The following PRSS12 variants were observed in gnomAD, a reference collection of about 807,000 sequenced individuals.
The protein encoded by PRSS12 is serine protease 12.
PRSS12 carries 85 observed loss-of-function variants against 104.4 expected under a neutral mutation model. The ratio of observed to expected loss-of-function variants is 0.81; its 90% CI spans 0.68 to 0.98. The LOEUF (loss-of-function observed/expected upper bound fraction) is 0.98, where lower values mean the gene tolerates loss of function less well. PRSS12 is among the 50% of genes least tolerant of loss of function. PRSS12 has a pLI of 0.00. For synonymous variants in PRSS12, 454 were observed against 425.2 expected, an observed-to-expected ratio of 1.07 and a Z score of -0.83; for missense variants, 1,141 against 1,139.2, an observed-to-expected ratio of 1.00 and a Z score of -0.02.
intron 8 of PRSS12, among the ~76,000 whole-genome samples, chr4:118,305,527 A>G (rs566193072): frequency 6.6e-6 from 1 of 152,216 alleles, no homozygotes; most frequent in African/African-American, 2.4e-5. Flanking sequence ...ATATGCATGT[A>G]TCTGTGATAC....
In PRSS12 at chr4:118,291,756, G is replaced by A. The variant is rs75714317; in HGVS notation, c.2039+3183C>T. Among the ~76,000 whole-genome samples, 20 of 152,186 alleles carry A rather than the reference G, an allele frequency of 1.3e-4. 1 individual carries two copies. The East Asian group carries it at 2.7e-3, about 21-fold the overall frequency. Reference sequence around the variant, plus strand: ...TCACTGCTTTGTCTGGACACCATTCGTCAGTGCTACCCAAGACTGAATTAA... The same window carrying A: ...TCACTGCTTTGTCTGGACACCATTCATCAGTGCTACCCAAGACTGAATTAA... On this transcript the variant is annotated intron_variant, in intron 11 of 12. Transcript: ENST00000296498.
At chr4:118,334,511 A>C (rs1029515346) in intron 3 of PRSS12, among the ~76,000 whole-genome samples, 2 of 152,128 alleles carry the variant, frequency 1.3e-5, no homozygotes, top group African/African-American at 4.8e-5. Flanking sequence ...AAAAGAAGAA[A>C]AGGGAAAACT....
chr4:118,292,302 C>T (rs1477417128), intron 11 of PRSS12, among the ~76,000 whole-genome samples: 4 of 152,188 alleles, frequency 2.6e-5, no homozygotes, highest in Non-Finnish European at 4.4e-5. Context: ...TCTTCAACTA[C>T]GTCTCCTCTA....
At chr4:118,305,462 CT>C (rs1434213069) in intron 8 of PRSS12, among the ~76,000 whole-genome samples, 8 of 151,994 alleles carry the variant, frequency 5.3e-5, no homozygotes, top group African/African-American at 1.9e-4. Flanking sequence ...AAAATCACTT[CT>C]TTTTTAGCTT....
At chr4:118,308,413 C>A (rs751668501) in intron 8 of PRSS12, 23 bp downstream of exon 8, 6 of 1,613,638 alleles carry the variant, frequency 3.7e-6, no homozygotes, top group Non-Finnish European at 5.1e-6. Flanking sequence ...AGTAACCATC[C>A]CAAATAATTA....
intron 7 of PRSS12, chr4:118,312,899 G>C (rs1031966309): frequency 2.6e-6 from 1 of 385,258 alleles, no homozygotes; most frequent in Non-Finnish European, 4.8e-6. Flanking sequence ...GAGGAGTAAG[G>C]GGAATAGATA....
chr4:118,330,362 A>G (rs1393833705), intron 4 of PRSS12, among the ~76,000 whole-genome samples: 1 of 152,174 alleles, frequency 6.6e-6, no homozygotes, highest in Admixed American at 6.5e-5. Flanking sequence ...CTAAACTCTA[A>G]TTTTATGAAT....
At chr4:118,289,681 T>G (rs1434789059) in intron 11 of PRSS12, among the ~76,000 whole-genome samples, 2 of 152,220 alleles carry the variant, frequency 1.3e-5, no homozygotes, top group Admixed American at 1.3e-4. Flanking sequence ...ACTAGCTGTA[T>G]GCCTTTTAAT....
rs1301570451 is a variant in PRSS12 at position 118,326,470 on chromosome 4, A to G, written c.971+5246T>C. ...ATAACTTGTCCAACATTACACTACTACTAAATGGTAAAGTTTGTCTGACTA... is the reference window on the plus strand; with the variant it reads ...ATAACTTGTCCAACATTACACTACTGCTAAATGGTAAAGTTTGTCTGACTA... On this transcript the variant is annotated intron_variant, in intron 4 of 12. Coordinates refer to ENST00000296498, the MANE Select transcript of PRSS12 (RefSeq NM_003619.4). 2.0e-5 allele frequency among the ~76,000 whole-genome samples: 3 copies of G among 152,190 alleles called. No homozygotes were observed. The East Asian group carries it at 5.8e-4, about 29-fold the overall frequency.
Position 118,308,448 on chromosome 4 carries a change from T to C in PRSS12, c.1619A>G (p.Gln540Arg). The C allele has an allele frequency of 1.2e-6, 2 of 1,614,092 alleles. No homozygotes were observed. The highest frequency in any genetic ancestry group is 1.7e-6 in the Non-Finnish European group (2 of 1,179,960). ...AGGTTTTCCTTACTTGTAGCCAAGC[T>C]GACGACAGATCACAGCTGCATCCTT... ...TDKDAAVICR[Q>R]LGYKGPARAR... Residue 540 changes from glutamine (Q) to arginine (R), a missense_variant, in exon 8 of 13, where the codon CAG becomes CGG. Coordinates refer to ENST00000296498, the MANE Select transcript of PRSS12 (RefSeq NM_003619.4).
At chr4:118,338,060 G>A (rs942071221) in intron 2 of PRSS12, 116 bp downstream of exon 2, 54 of 1,349,596 alleles carry the variant, frequency 4.0e-5, no homozygotes, top group Non-Finnish European at 5.5e-5. Context: ...TGAAAAGTGA[G>A]AATGAGGAAA....
chr4:118,280,897 A>G lies in PRSS12; in HGVS notation c.*1039T>C, dbSNP rs1318231333. 2 of 152,264 alleles carry G rather than the reference A, an allele frequency of 1.3e-5. No homozygotes were observed. Among genetic ancestry groups the G allele is most frequent in the African/African-American group, 2.4e-5 (1 of 41,464 alleles). 9.4% of individuals were successfully genotyped at this position (152,264 alleles called of 1,614,324 possible). ...CCATTTGAAAACAAGGGCTACTACC[A>G]TAAGATTTACTGGCCTTTTGCAAAT... On this transcript the variant is annotated 3_prime_UTR_variant, in exon 13 of 13. Coordinates refer to ENST00000296498, the MANE Select transcript of PRSS12 (RefSeq NM_003619.4).
chr4:118,289,608 G>C (rs1045943618), intron 11 of PRSS12, among the ~76,000 whole-genome samples: 28 of 152,088 alleles, frequency 1.8e-4, no homozygotes, highest in Admixed American at 1.7e-3. Flanking sequence ...AGGAGGATTT[G>C]TTTTAAGCAA....
chr4:118,336,906 C>T (rs568288355), intron 2 of PRSS12, among the ~76,000 whole-genome samples: 1 of 152,180 alleles, frequency 6.6e-6, no homozygotes, highest in Non-Finnish European at 1.5e-5. Flanking sequence ...TGTCTGTTTG[C>T]CAGACTAAGT....
intron 11 of PRSS12, among the ~76,000 whole-genome samples, chr4:118,288,110 T>C (rs1219505580): frequency 6.6e-6 from 1 of 152,214 alleles, no homozygotes; most frequent in Non-Finnish European, 1.5e-5. Context: ...CATGGATTCG[T>C]CTCTACAGGA....
At chr4:118,311,510 G>A (rs1029870204) in intron 7 of PRSS12, among the ~76,000 whole-genome samples, 1 of 152,066 alleles carries the variant, frequency 6.6e-6, no homozygotes. Flanking sequence ...CCTCCTCTAA[G>A]CTTCCCTTTT....
chr4:118,318,651 C>A (rs1723520353), intron 4 of PRSS12, 95 bp from the exon 5 acceptor site: 4 of 1,224,168 alleles, frequency 3.3e-6, no homozygotes, highest in Non-Finnish European at 3.5e-6. Flanking sequence ...TATTATTAAT[C>A]CCCACTTATT....
chr4:118,300,039 C>G (rs1560768660), intron 8 of PRSS12, among the ~76,000 whole-genome samples: 1 of 150,728 alleles, frequency 6.6e-6, no homozygotes, highest in South Asian at 2.1e-4. Flanking sequence ...AAGACACAGT[C>G]TCACTTTGTC....
At chr4:118,347,602 C>G (rs922911927) in intron 1 of PRSS12, among the ~76,000 whole-genome samples, 1 of 152,212 alleles carries the variant, frequency 6.6e-6, no homozygotes, top group Non-Finnish European at 1.5e-5. Flanking sequence ...GTTGCCCCAT[C>G]TGCTATGCCA....
Sources: gnomAD v4.1 joint callset for allele counts (sites outside exome capture counted in the v4.1 genomes callset) on GRCh38, gnomAD v4.1.1 for gene constraint, MANE v1.5 for transcripts, NCBI Gene and HGNC (gene_info 2026-07-23, HGNC 2026-07-21) for gene names.